Variants in GDPD1 observed in about 807,000 individuals in gnomAD.
The protein encoded by GDPD1 is glycerophosphodiester phosphodiesterase domain containing 1, also known as lysophospholipase D GDPD1.
In GDPD1, 28 loss-of-function variants were observed where a neutral mutation model predicts 45.1. The ratio of observed to expected loss-of-function variants is 0.62; its 90% confidence interval spans 0.46 to 0.85. The LOEUF (loss-of-function observed/expected upper bound fraction) is 0.85, where lower values mean the gene tolerates loss of function less well. GDPD1 is among the 40% of genes least tolerant of loss of function. The pLI, the probability that GDPD1 is intolerant of heterozygous loss-of-function variation, is 0.00. For synonymous variants in GDPD1, 139 were observed against 131.4 expected, an observed-to-expected ratio of 1.06 and a Z score of -0.40; for missense variants, 256 against 364.8, an observed-to-expected ratio of 0.70 and a Z score of 2.43.
At chr17:59,259,732 C>A (rs2147898250) in intron 6 of GDPD1, among the ~76,000 whole-genome samples, 1 of 146,614 alleles carries the variant, frequency 6.8e-6, no homozygotes, top group South Asian at 2.2e-4. Context: ...GAACAAGACT[C>A]CATCTCAAAA....
intron 2 of GDPD1, among the ~76,000 whole-genome samples, chr17:59,242,438 A>T (rs2047182061): frequency 6.6e-6 from 1 of 152,212 alleles, no homozygotes; most frequent in South Asian, 2.1e-4. Flanking sequence ...CAAACAACTC[A>T]AATAATCTAT....
At chr17:59,221,436 T>G (rs1054558429) in intron 1 of GDPD1, among the ~76,000 whole-genome samples, 54 of 135,916 alleles carry the variant, frequency 4.0e-4, no homozygotes, top group African/African-American at 1.2e-3. Flanking sequence ...TTTTTTTTTT[T>G]GAACACTGCA....
At chr17:59,224,702 G>A (rs1452250860) in intron 1 of GDPD1, among the ~76,000 whole-genome samples, 1 of 151,840 alleles carries the variant, frequency 6.6e-6, no homozygotes, top group Non-Finnish European at 1.5e-5. Flanking sequence ...CCTACCTGTA[G>A]TCTCGGCTAT....
chr17:59,259,231 A>C (rs2047333235), intron 6 of GDPD1, among the ~76,000 whole-genome samples: 1 of 150,094 alleles, frequency 6.7e-6, no homozygotes, highest in Admixed American at 6.7e-5. Context: ...GGAGTTCAAG[A>C]CCAGCCTGGC....
At chr17:59,244,260 C>G (rs1024738012) in intron 2 of GDPD1, among the ~76,000 whole-genome samples, 1 of 152,146 alleles carries the variant, frequency 6.6e-6, no homozygotes, top group Non-Finnish European at 1.5e-5. Flanking sequence ...TGCACAGTAG[C>G]CTGCCGCTAC....
At chr17:59,251,495 G>C (rs2047253356) in intron 4 of GDPD1, among the ~76,000 whole-genome samples, 2 of 150,032 alleles carry the variant, frequency 1.3e-5, no homozygotes, top group Non-Finnish European at 1.5e-5. Context: ...CTCCAGCCTG[G>C]ACAACAAGAG....
intron 1 of GDPD1, among the ~76,000 whole-genome samples, chr17:59,224,638 A>C (rs949829930): frequency 7.0e-6 from 1 of 142,982 alleles, no homozygotes; most frequent in Non-Finnish European, 1.6e-5. Context: ...AAAAAAAAAA[A>C]ACAAAAAACA....
intron 1 of GDPD1, among the ~76,000 whole-genome samples, chr17:59,224,711 A>G (rs1050221057): frequency 6.6e-6 from 1 of 151,940 alleles, no homozygotes; most frequent in African/African-American, 2.4e-5. Flanking sequence ...AGTCTCGGCT[A>G]TTTGAGAGGC....
In GDPD1 at chr17:59,258,565, T is replaced by C. The variant is rs1437910212; in HGVS notation, c.576+725T>C. Among the ~76,000 whole-genome samples the C allele has an allele frequency of 2.0e-5, 3 of 151,932 alleles. No individual in the cohort carries two copies. The East Asian group carries it at 5.8e-4, about 29-fold the overall frequency. On this transcript the variant is annotated intron_variant, in intron 6 of 9. Transcript: ENST00000284116. ...CTCAAAAAAAACAAACAAACACTTATCTTATTTCATAGCCTTCATACACAG... is the reference window on the plus strand; with the variant it reads ...CTCAAAAAAAACAAACAAACACTTACCTTATTTCATAGCCTTCATACACAG...
intron 4 of GDPD1, among the ~76,000 whole-genome samples, chr17:59,252,238 A>C (rs1213225829): frequency 1.3e-5 from 2 of 152,022 alleles, no homozygotes; most frequent in East Asian, 3.9e-4. Flanking sequence ...TAAAAATACA[A>C]AAATTTTTAA....
At chr17:59,227,248 G>A (rs1477652828) in intron 1 of GDPD1, among the ~76,000 whole-genome samples, 9 of 151,562 alleles carry the variant, frequency 5.9e-5, no homozygotes, top group Admixed American at 1.3e-4. Flanking sequence ...TTGAAACCCC[G>A]TCTCTACTAA....
chr17:59,237,835 C>T (rs956779986), intron 2 of GDPD1, among the ~76,000 whole-genome samples: 1 of 151,904 alleles, frequency 6.6e-6, no homozygotes, highest in Non-Finnish European at 1.5e-5. Flanking sequence ...TTTGTGGGGC[C>T]AAGGCAGGCG....
chr17:59,253,275 G>A (rs563442987), intron 4 of GDPD1, among the ~76,000 whole-genome samples: 57 of 152,140 alleles, frequency 3.7e-4, no homozygotes, highest in Non-Finnish European at 6.2e-4. Context: ...CCACTTCCTA[G>A]CTGGTTATCT....
chr17:59,259,052 G>T (rs1241114536), intron 6 of GDPD1, among the ~76,000 whole-genome samples: 1 of 150,498 alleles, frequency 6.6e-6, no homozygotes, highest in Non-Finnish European at 1.5e-5. Context: ...TTTTAAGAAA[G>T]AAATTATTTA....
At chr17:59,258,416 G>A (rs761222256) in intron 6 of GDPD1, among the ~76,000 whole-genome samples, 35 of 152,006 alleles carry the variant, frequency 2.3e-4, no homozygotes, top group Non-Finnish European at 4.4e-4. Context: ...GGTGGCACGT[G>A]CCTGTAGTCC....
intron 4 of GDPD1, among the ~76,000 whole-genome samples, chr17:59,251,596 A>T (rs1382788093): frequency 6.6e-6 from 1 of 152,214 alleles, no homozygotes; most frequent in African/African-American, 2.4e-5. Context: ...ATCTGAAAGA[A>T]ATAATAATAA....
rs759104471 is a variant in GDPD1 at position 59,273,680 on chromosome 17, A to C, written c.852A>C (p.Gln284His). 1.9e-6 allele frequency: 3 copies of C among 1,559,608 alleles called. No homozygotes were observed. Among genetic ancestry groups the C allele is most frequent in the Admixed American group, 3.4e-5 (2 of 58,256 alleles). The stretch of plus-strand genomic sequence containing the variant: ...ATATTTGGGTATTAAATGAAGAACA[A>C]GAATACAAAAGAGCTTTTGATTTGG... ...QVYIWVLNEE[Q>H]EYKRAFDLGA... The change falls in exon 10 of 10, where the codon CAA becomes CAC. Residue 284 changes from glutamine (Q) to histidine (H), a missense_variant. Transcript: ENST00000284116.
chr17:59,249,799 T>C (rs2047239516), intron 4 of GDPD1, among the ~76,000 whole-genome samples: 1 of 152,216 alleles, frequency 6.6e-6, no homozygotes, highest in African/African-American at 2.4e-5. Context: ...TGAATCTTGG[T>C]ATGATTTGTA....
chr17:59,272,076 A>AT (rs959683095), intron 8 of GDPD1, among the ~76,000 whole-genome samples: 6 of 151,560 alleles, frequency 4.0e-5, no homozygotes, highest in African/African-American at 7.3e-5. Flanking sequence ...ACCAGGATGC[A>AT]TTTTTTTTCT....
Sources: gnomAD v4.1 joint callset for allele counts (sites outside exome capture counted in the v4.1 genomes callset) on GRCh38, gnomAD v4.1.1 for gene constraint, MANE v1.5 for transcripts, NCBI Gene and HGNC (gene_info 2026-07-23, HGNC 2026-07-21) for gene names.